TBC1D5: variants seen among roughly 807,000 people sequenced by gnomAD.
The protein encoded by TBC1D5 is TBC1 domain family, member 5.
A neutral mutation model predicts 100.3 loss-of-function variants in TBC1D5; 75 were observed. The ratio of observed to expected loss-of-function variants is 0.75; its 90% CI spans 0.62 to 0.91. The LOEUF is 0.91. Ranked by LOEUF, TBC1D5 falls within the 40% of genes least tolerant of loss-of-function variation. TBC1D5 has a pLI of 0.00. For synonymous variants in TBC1D5, 323 were observed against 325.6 expected, an observed-to-expected ratio of 0.99 and a Z score of 0.09; for missense variants, 910 against 942.4, an observed-to-expected ratio of 0.97 and a Z score of 0.45.
intron 3 of TBC1D5, among the ~76,000 whole-genome samples, chr3:17,455,240 ATAT>A (rs1460622541): frequency 6.8e-6 from 1 of 146,578 alleles, no homozygotes; most frequent in Non-Finnish European, 1.5e-5. Flanking sequence ...TTGTATACAT[ATAT>A]TATTGTATAT....
At chr3:17,261,815 G>A (rs896386479) in intron 15 of TBC1D5, among the ~76,000 whole-genome samples, 3 of 150,812 alleles carry the variant, frequency 2.0e-5, no homozygotes, top group African/African-American at 4.9e-5. Context: ...GAGACACCAC[G>A]CTTGGCTAAT....
At chr3:17,384,095 C>A (rs1288857963) in intron 8 of TBC1D5, 80 bp from the exon 9 acceptor site, 59 of 1,232,842 alleles carry the variant, frequency 4.8e-5, no homozygotes, top group Non-Finnish European at 6.6e-5. Context: ...CGAAGACGTG[C>A]CAAGGGCTGC....
intron 19 of TBC1D5, among the ~76,000 whole-genome samples, chr3:17,177,728 A>C (rs2067941183): frequency 6.6e-6 from 1 of 152,174 alleles, no homozygotes; most frequent in Non-Finnish European, 1.5e-5. Flanking sequence ...TTGAGATGGC[A>C]TCTTAAATTT....
chr3:17,163,405 ACTT>A (rs1303201449), intron 21 of TBC1D5, among the ~76,000 whole-genome samples: 9 of 152,088 alleles, frequency 5.9e-5, no homozygotes, highest in Non-Finnish European at 1.3e-4. Context: ...GGCAGAGTTG[ACTT>A]CTTTATGGAT....
intron 17 of TBC1D5, among the ~76,000 whole-genome samples, chr3:17,229,598 A>T (rs549289931): frequency 6.6e-6 from 1 of 152,294 alleles, no homozygotes; most frequent in Non-Finnish European, 1.5e-5. Flanking sequence ...CTGAGCAGGT[A>T]GCACCCTAGA....
chr3:17,644,948 C>T (rs1278326060), intron 1 of TBC1D5, among the ~76,000 whole-genome samples: 2 of 151,930 alleles, frequency 1.3e-5, no homozygotes, highest in Non-Finnish European at 2.9e-5. Context: ...CAAAACAAAA[C>T]AAAACACTCT....
In TBC1D5 at chr3:17,665,015, G is replaced by A. The variant is rs1451863058; in HGVS notation, c.-100-41102C>T. The A allele has an allele frequency of 4.4e-5, 6 of 136,350 alleles. 1 individual carries two copies. The highest frequency in any genetic ancestry group is 2.3e-4 in the East Asian group (1 of 4,284). 8.4% of individuals were successfully genotyped at this position (136,350 alleles called of 1,614,324 possible). On this transcript the variant is annotated intron_variant, in intron 1 of 21. Transcript: ENST00000253692. ...TCTACCAGGCTTTCTGGTTTTTACC[G>A]GAAAGCCCCGCTATTTAAAAAAAAA... is the stretch of plus-strand genomic sequence containing the variant.
chr3:17,447,669 T>A (rs1406927921), intron 3 of TBC1D5, among the ~76,000 whole-genome samples: 1 of 152,204 alleles, frequency 6.6e-6, no homozygotes, highest in East Asian at 1.9e-4. Context: ...AAAGTACAAC[T>A]TAATTCTTAT....
intron 3 of TBC1D5, among the ~76,000 whole-genome samples, chr3:17,429,132 C>A (rs1156449551): frequency 2.0e-5 from 3 of 151,758 alleles, no homozygotes; most frequent in African/African-American, 7.3e-5. Flanking sequence ...AGGTATTTGT[C>A]TTCTATAATA....
chr3:17,176,910 G>C (rs935662647), intron 19 of TBC1D5, among the ~76,000 whole-genome samples: 5 of 152,182 alleles, frequency 3.3e-5, no homozygotes, highest in African/African-American at 1.2e-4. Context: ...TGGAGCCTAA[G>C]TGAGGATATC....
At chr3:17,343,581 T>G (rs1255918596) in intron 13 of TBC1D5, among the ~76,000 whole-genome samples, 3 of 149,406 alleles carry the variant, frequency 2.0e-5, no homozygotes, top group African/African-American at 7.4e-5. Flanking sequence ...AATTCGGCTG[T>G]GAATCCATCT....
At chr3:17,352,695 A>AAAAAAAAC (rs1559699976) in intron 13 of TBC1D5, among the ~76,000 whole-genome samples, 2 of 150,908 alleles carry the variant, frequency 1.3e-5, no homozygotes, top group South Asian at 2.2e-4. Context: ...AAAAAAAAAA[A>AAAAAAAAC]AAAACAAAAA....
intron 1 of TBC1D5, among the ~76,000 whole-genome samples, chr3:17,711,123 C>T (rs184284198): frequency 1.4e-4 from 21 of 152,040 alleles, no homozygotes; most frequent in South Asian, 6.2e-4. Context: ...TAGAGTTTGG[C>T]GCCTGAGATG....
intron 4 of TBC1D5, among the ~76,000 whole-genome samples, chr3:17,417,692 C>T (rs955448266): frequency 1.3e-5 from 2 of 152,068 alleles, no homozygotes; most frequent in East Asian, 1.9e-4. Context: ...TTTATAGTCC[C>T]TTGGGTATAT....
At chr3:17,190,799 G>C (rs1436045947) in intron 18 of TBC1D5, among the ~76,000 whole-genome samples, 2 of 152,178 alleles carry the variant, frequency 1.3e-5, no homozygotes, top group Non-Finnish European at 2.9e-5. Flanking sequence ...CAGATCACAA[G>C]AGAAGCAGAC....
chr3:17,276,602 T>C (rs923458600), intron 15 of TBC1D5, among the ~76,000 whole-genome samples: 9 of 152,192 alleles, frequency 5.9e-5, no homozygotes, highest in East Asian at 1.9e-4. Context: ...GGATGTAAGA[T>C]TGAGGGTCAC....
chr3:17,569,883 CAT>C (rs1483519236), intron 2 of TBC1D5, among the ~76,000 whole-genome samples: 14 of 151,772 alleles, frequency 9.2e-5, no homozygotes, highest in Admixed American at 2.0e-4. Context: ...CTAGCAGTGA[CAT>C]ATGGTATACA....
At chr3:17,215,034 G>C (rs141270027) in intron 17 of TBC1D5, among the ~76,000 whole-genome samples, 2 of 152,150 alleles carry the variant, frequency 1.3e-5, no homozygotes, top group Non-Finnish European at 2.9e-5. Flanking sequence ...AGGTTTGAGA[G>C]CAAGCAGGGG....
chr3:17,404,656 G>A lies in TBC1D5; in HGVS notation c.441+38C>T, dbSNP rs768754766. 5.2e-6 allele frequency: 8 copies of A among 1,536,330 alleles called. No homozygotes were observed. In the South Asian group the frequency reaches 8.8e-5, roughly 17 times the overall value. The stretch of plus-strand genomic sequence containing the variant: ...CAGTCATATAAACATATTCTTAGCA[G>A]CAAAAGAGGTTAAGACATGAACAAA... On this transcript the variant is annotated intron_variant, in intron 7 of 21. Transcript: ENST00000253692.
Sources: gnomAD v4.1 joint callset for allele counts (sites outside exome capture counted in the v4.1 genomes callset) on GRCh38, gnomAD v4.1.1 for gene constraint, MANE v1.5 for transcripts, NCBI Gene and HGNC (gene_info 2026-07-23, HGNC 2026-07-21) for gene names.